UNC45A: variants seen among roughly 807,000 people sequenced by gnomAD.
UNC45A encodes unc-45 myosin chaperone A, also known as protein unc-45 homolog A.
A neutral mutation model predicts 103.2 loss-of-function variants in UNC45A; 78 were observed. That is an observed-to-expected ratio of 0.76 (90% CI 0.63 to 0.91). The LOEUF is 0.91. Ranked by LOEUF, UNC45A falls within the 40% of genes least tolerant of loss-of-function variation. UNC45A has a pLI of 0.00. For synonymous variants in UNC45A, 495 were observed against 504.6 expected (o/e 0.98, Z 0.25); for missense variants, 1,193 against 1,224.8 (o/e 0.97, Z 0.39).
chr15:90,950,418 G>C, intron 16 of UNC45A, 82 bp from the exon 17 acceptor site: 5 of 1,507,796 alleles, frequency 3.3e-6, no homozygotes, highest in Non-Finnish European at 4.5e-6. Context: ...TACTCTCTTG[G>C]GGGTGGGCTT....
Position 90,942,450 on chromosome 15 carries a change from T to C in UNC45A, c.701T>C (p.Leu234Pro). The change falls in exon 7 of 20, where the codon CTG becomes CCG. Residue 234 changes from leucine (L) to proline (P), a missense_variant. Physicochemically the swap from Leu to Pro is moderately conservative, Grantham distance 98. Coordinates refer to ENST00000418476, the MANE Select transcript of UNC45A (RefSeq NM_018671.5). The stretch of plus-strand genomic sequence containing the variant: ...CTCCCACCCCAGACAGTGGCAACCC[T>C]GAGCATACTGGGAACTCGGCGAGTA... ...SEHQSRTVAT[L>P]SILGTRRVVS... is the part of the protein sequence containing the mutation. The C allele has an allele frequency of 1.2e-6, 2 of 1,613,012 alleles. No homozygotes were observed. Among genetic ancestry groups the C allele is most frequent in the Non-Finnish European group, 1.7e-6 (2 of 1,179,394 alleles).
In UNC45A at chr15:90,953,585, G is replaced by A. The variant is rs2037057011; in HGVS notation, c.2704G>A (p.Glu902Lys). Residue 902 changes from glutamate to lysine, a missense_variant, in exon 20 of 20, where the codon GAG becomes AAG. Coordinates refer to ENST00000418476, the MANE Select transcript of UNC45A (RefSeq NM_018671.5). ...ASREIASTLM[E>K]SEMMEILSVL... ...GAGGGAGATTGCCAGCACCCTGATG[G>A]AGAGTGAGATGATGGAGATCTTGTC... 6.2e-7 allele frequency: 1 copy of A among 1,614,192 alleles called. No individual in the cohort carries two copies. Among genetic ancestry groups the A allele is most frequent in the East Asian group, 2.2e-5 (1 of 44,890 alleles).
intron 7 of UNC45A, 34 bp from the exon 8 acceptor site, chr15:90,942,878 G>A (rs370287906): frequency 1.9e-6 from 3 of 1,578,004 alleles, no homozygotes; most frequent in South Asian, 1.2e-5. Flanking sequence ...CTGGGCTGCT[G>A]TGGAGCCCAC....
At chr15:90,950,375 G>A in intron 16 of UNC45A, 108 bp downstream of exon 16, 2 of 1,468,932 alleles carry the variant, frequency 1.4e-6, no homozygotes, top group Non-Finnish European at 1.9e-6. Flanking sequence ...CTTTGTCAAG[G>A]CCTGGGGCAG....
rs561364913 is a variant in UNC45A, at chr15:90,953,279, G to A, written c.2546G>A (p.Arg849Gln). ...AGGLAMLTSMRPTLCSRIPQV... is the reference protein window; with the variant it reads ...AGGLAMLTSMQPTLCSRIPQV... ...GGCTTGGCCATGCTTACCTCCATGC[G>A]GCCCACGCTCTGCAGCCGCATTCCC... Residue 849 changes from arginine to glutamine, a missense_variant, in exon 19 of 20, where the codon CGG becomes CAG. Transcript: ENST00000418476. 5.5e-5 allele frequency: 88 copies of A among 1,612,424 alleles called. No homozygotes were observed. The South Asian group carries it at 7.0e-4, about 13-fold the overall frequency.
chr15:90,932,032 TGGC>T, upstream of UNC45A: 1 of 1,613,964 alleles, frequency 6.2e-7, no homozygotes, highest in Non-Finnish European at 8.5e-7. Context: ...CCCAGGCTCC[TGGC>T]AGAGAAGGGG....
In UNC45A at chr15:90,949,707, A is replaced by G. The variant is rs768428162; in HGVS notation, c.2060A>G (p.Gln687Arg). 6.2e-7 allele frequency: 1 copy of G among 1,614,170 alleles called. No homozygotes were observed. The highest frequency in any genetic ancestry group is 1.1e-5 in the South Asian group (1 of 91,090). The change falls in exon 15 of 20, where the codon CAG becomes CGG. Residue 687 changes from glutamine (Q) to arginine (R), a missense_variant. Gln to Arg is a conservative substitution (Grantham distance 43). Coordinates refer to ENST00000418476, the MANE Select transcript of UNC45A (RefSeq NM_018671.5). The stretch of plus-strand genomic sequence containing the variant: ...GAGGACCGAGGCACTGTGGTTGCCC[A>G]GGGAGGCGGCAGGGTAAGCTGGTTT... Reference protein sequence around the residue: ...EVEDRGTVVAQGGGRALIPLA... With the variant: ...EVEDRGTVVARGGGRALIPLA...
At chr15:90,950,025 G>T in intron 15 of UNC45A, 129 bp from the exon 16 acceptor site, 1 of 832,224 alleles carries the variant, frequency 1.2e-6, no homozygotes. Flanking sequence ...GGATGCAGAG[G>T]GTCTGCACAG....
At chr15:90,952,622 A>T (rs574147222) in intron 17 of UNC45A, 12 of 315,280 alleles carry the variant, frequency 3.8e-5, no homozygotes, top group Non-Finnish European at 6.7e-5. Flanking sequence ...ACAAGGTTTC[A>T]CCATGTTGGC....
upstream of UNC45A, chr15:90,931,976 G>T: frequency 2.5e-6 from 4 of 1,613,884 alleles, no homozygotes; most frequent in Non-Finnish European, 3.4e-6. Context: ...GCCCTGAGAT[G>T]TCAGCCAAGG....
intron 12 of UNC45A, 153 bp downstream of exon 12, chr15:90,948,436 G>A: frequency 2.3e-6 from 3 of 1,305,690 alleles, no homozygotes; most frequent in South Asian, 1.4e-5. Context: ...GGGCATGTTG[G>A]CCAGCACCAG....
At chr15:90,940,214 A>G (rs896153055) in intron 5 of UNC45A, 92 bp from the exon 6 acceptor site, 1 of 1,398,832 alleles carries the variant, frequency 7.1e-7, no homozygotes, top group Non-Finnish European at 9.7e-7. Context: ...AAGTGGAAGC[A>G]GAGAGGTCCA....
intron 10 of UNC45A, chr15:90,947,118 G>A (rs920196699): frequency 6.1e-5 from 37 of 607,428 alleles, no homozygotes; most frequent in African/African-American, 9.2e-5. Flanking sequence ...GAGCTCAGGA[G>A]GTTGAGGCTG....
chr15:90,948,117 C>T (rs369121392), intron 11 of UNC45A, 25 bp from the exon 12 acceptor site: 50 of 1,612,884 alleles, frequency 3.1e-5, no homozygotes, highest in East Asian at 2.2e-4. Flanking sequence ...TCCTGAGGGT[C>T]GTCCACTATC....
At chr15:90,938,602 C>G (rs1474300725) in intron 4 of UNC45A, among the ~76,000 whole-genome samples, 1 of 152,080 alleles carries the variant, frequency 6.6e-6, no homozygotes, top group Admixed American at 6.5e-5. Flanking sequence ...GCTTGTGCCA[C>G]CATCTATGCC....
chr15:90,949,595 G>A, intron 14 of UNC45A, 59 bp from the exon 15 acceptor site: 4 of 1,609,836 alleles, frequency 2.5e-6, no homozygotes, highest in African/African-American at 1.3e-5. Context: ...GCCTAGGAGT[G>A]CAGCGTCTGC....
chr15:90,935,824 T>G, intron 2 of UNC45A, 119 bp downstream of exon 2: 1 of 1,550,248 alleles, frequency 6.5e-7, no homozygotes, highest in South Asian at 1.2e-5. Flanking sequence ...TGCCAGATGT[T>G]TTTTGCACCT....
intron 4 of UNC45A, among the ~76,000 whole-genome samples, chr15:90,937,077 G>T (rs34127963): frequency 0.057 from 8,709 of 152,308 alleles, 366 homozygotes; most frequent in South Asian, 0.15. Context: ...AGGGCATGGT[G>T]GTTCATGCCT....
chr15:90,948,600 C>T, intron 12 of UNC45A, 54 bp from the exon 13 acceptor site: 5 of 1,595,322 alleles, frequency 3.1e-6, no homozygotes, highest in Non-Finnish European at 4.3e-6. Flanking sequence ...CAGCATTTAT[C>T]TGAGTACTGC....
Sources: gnomAD v4.1 joint callset for allele counts (sites outside exome capture counted in the v4.1 genomes callset) on GRCh38, gnomAD v4.1.1 for gene constraint, MANE v1.5 for transcripts, NCBI Gene and HGNC (gene_info 2026-07-23, HGNC 2026-07-21) for gene names.